The following PTPRR variants were observed in gnomAD, a reference collection of about 807,000 sequenced individuals.
PTPRR encodes the protein protein tyrosine phosphatase receptor type R.
In PTPRR, 38 loss-of-function variants were observed where a neutral mutation model predicts 77.2. The ratio of observed to expected loss-of-function variants is 0.49; its 90% CI spans 0.38 to 0.65. PTPRR has a LOEUF of 0.65. PTPRR is among the 30% of genes least tolerant of loss of function. The pLI is 0.00. For missense variants in PTPRR, 744 were observed against 799.2 expected (o/e 0.93, Z 0.83); for synonymous variants, 299 against 283.1 (o/e 1.06, Z -0.57).
intron 2 of PTPRR, among the ~76,000 whole-genome samples, chr12:70,785,776 A>C (rs1891307695): frequency 6.6e-6 from 1 of 152,230 alleles, no homozygotes; most frequent in African/African-American, 2.4e-5. Flanking sequence ...GACAGGAGAA[A>C]AATCACGATT....
chr12:70,671,997 T>C lies in PTPRR; in HGVS notation c.1498-9392A>G, dbSNP rs147268984. 8 of 1,302,928 alleles carry C rather than the reference T, an allele frequency of 6.1e-6. No homozygotes were observed. In the South Asian group the frequency reaches 8.4e-5, roughly 14 times the overall value. The allele number at this position is 1,302,928 out of a possible 1,614,324, so 80.7% of individuals were successfully genotyped here. A position where few individuals can be genotyped will look rare whatever the true frequency, so the allele number is the denominator to read the frequency against. ...TGGCCCTTTCAACCCTCCAGAGACA[T>C]GAGACTAGTCCAGTTCCAGGCACCC... is the stretch of plus-strand genomic sequence containing the variant. On this transcript the variant is annotated intron_variant, in intron 10 of 13. Coordinates refer to ENST00000283228, the MANE Select transcript of PTPRR (RefSeq NM_002849.4).
intron 2 of PTPRR, among the ~76,000 whole-genome samples, chr12:70,797,712 T>G (rs573442762): frequency 2.6e-5 from 4 of 152,160 alleles, no homozygotes; most frequent in Non-Finnish European, 5.9e-5. Flanking sequence ...CATTGAGTAC[T>G]CTTGTCTTCT....
At chr12:70,866,917 A>G (rs1052771219) in intron 2 of PTPRR, among the ~76,000 whole-genome samples, 23 of 151,904 alleles carry the variant, frequency 1.5e-4, no homozygotes, top group Admixed American at 5.3e-4. Context: ...TATAAACAGA[A>G]CCAAAGACAA....
At chr12:70,655,116 T>G (rs117030121) in intron 13 of PTPRR, among the ~76,000 whole-genome samples, 3,655 of 152,356 alleles carry the variant, frequency 0.024, 64 homozygotes, top group Middle Eastern at 0.041. Flanking sequence ...AGAAGTTTCT[T>G]GTTTATCTTG....
At chr12:70,700,370 A>G (rs980129956) in intron 7 of PTPRR, among the ~76,000 whole-genome samples, 13 of 152,328 alleles carry the variant, frequency 8.5e-5, no homozygotes, top group Non-Finnish European at 1.9e-4. Flanking sequence ...GTATGTTATC[A>G]TGCTTTAAGC....
chr12:70,713,637 C>T (rs114838757), intron 6 of PTPRR, among the ~76,000 whole-genome samples: 26 of 150,078 alleles, frequency 1.7e-4, no homozygotes, highest in African/African-American at 6.3e-4. Context: ...GTTACATTTC[C>T]CTAATGACTG....
chr12:70,705,468 C>G (rs956522202), intron 6 of PTPRR, among the ~76,000 whole-genome samples: 1 of 151,430 alleles, frequency 6.6e-6, no homozygotes, highest in African/African-American at 2.4e-5. Flanking sequence ...AGTGAGACTT[C>G]AAGCAGTATA....
chr12:70,802,948 T>C (rs1321858547), intron 2 of PTPRR, among the ~76,000 whole-genome samples: 1 of 152,234 alleles, frequency 6.6e-6, no homozygotes, highest in African/African-American at 2.4e-5. Flanking sequence ...TTTACCTACT[T>C]TAACTCATGA....
At chr12:70,664,106 A>G (rs1347174274) in intron 10 of PTPRR, among the ~76,000 whole-genome samples, 1 of 152,190 alleles carries the variant, frequency 6.6e-6, no homozygotes, top group Non-Finnish European at 1.5e-5. Context: ...ACACATTTAC[A>G]TCCTCTACAT....
At chr12:70,822,281 G>A (rs1024764562) in intron 2 of PTPRR, among the ~76,000 whole-genome samples, 2 of 152,122 alleles carry the variant, frequency 1.3e-5, no homozygotes, top group Non-Finnish European at 2.9e-5. Flanking sequence ...GGTAACAACA[G>A]CAGACAGCAA....
intron 5 of PTPRR, among the ~76,000 whole-genome samples, chr12:70,748,163 A>C (rs1734369004): frequency 6.6e-6 from 1 of 152,134 alleles, no homozygotes; most frequent in South Asian, 2.1e-4. Flanking sequence ...AGGGATCATA[A>C]AATTTTTGTG....
intron 1 of PTPRR, among the ~76,000 whole-genome samples, chr12:70,914,831 A>G (rs939737325): frequency 2.6e-5 from 4 of 151,628 alleles, no homozygotes; most frequent in Non-Finnish European, 5.9e-5. Flanking sequence ...TCTAACAACA[A>G]CAACAGCAAC....
chr12:70,742,429 G>A (rs917612238), intron 6 of PTPRR, among the ~76,000 whole-genome samples: 1 of 152,168 alleles, frequency 6.6e-6, no homozygotes, highest in Non-Finnish European at 1.5e-5. Flanking sequence ...TTCTAGGCAA[G>A]TATTAATTCT....
chr12:70,754,632 T>A (rs779997126), intron 4 of PTPRR: 7 of 1,597,830 alleles, frequency 4.4e-6, no homozygotes, highest in South Asian at 1.1e-5. Context: ...TGGAGGAAAT[T>A]GTTTCTGATT....
At chr12:70,671,993 G>T in intron 10 of PTPRR, 1 of 1,306,730 alleles carries the variant, frequency 7.7e-7, no homozygotes, top group Non-Finnish European at 1.1e-6. Context: ...ACCCTCCAGA[G>T]ACATGAGACT....
chr12:70,661,307 C>G, intron 11 of PTPRR: 4 of 640,152 alleles, frequency 6.2e-6, no homozygotes. Flanking sequence ...AAAGTCATAC[C>G]TTTGTTGAGA....
At chr12:70,710,409 C>T (rs1168975088) in intron 6 of PTPRR, among the ~76,000 whole-genome samples, 1 of 151,994 alleles carries the variant, frequency 6.6e-6, no homozygotes, top group Non-Finnish European at 1.5e-5. Context: ...CTCAAGATGG[C>T]TTAAACGCTT....
intron 6 of PTPRR, among the ~76,000 whole-genome samples, chr12:70,728,039 C>T (rs971545532): frequency 6.7e-6 from 1 of 149,372 alleles, no homozygotes; most frequent in South Asian, 2.1e-4. Flanking sequence ...CCCTAAGGCC[C>T]CATAGAGCAT....
rs1414116502 is a variant in PTPRR at position 70,785,967 on chromosome 12, T to C, written c.358-21189A>G. On this transcript the variant is annotated intron_variant, in intron 2 of 13. Coordinates refer to ENST00000283228, the MANE Select transcript of PTPRR (RefSeq NM_002849.4). ...ATGTTATTTTTCCCAGTTATTCTTG[T>C]TCCTTGTTCTCTTTCAGCCTCCCCT... Among the ~76,000 whole-genome samples the C allele has an allele frequency of 2.0e-5, 3 of 152,210 alleles. No homozygotes were observed. In the East Asian group the frequency reaches 5.8e-4, roughly 29 times the overall value.
Sources: allele counts gnomAD v4.1 joint callset (sites outside exome capture counted in the v4.1 genomes callset), GRCh38; gene constraint gnomAD v4.1.1; transcripts MANE v1.5; gene names NCBI Gene and HGNC (gene_info 2026-07-23, HGNC 2026-07-21).